Variants in FAM83F observed in about 807,000 individuals in gnomAD.
FAM83F encodes protein FAM83F.
Under a neutral mutation model 42.9 loss-of-function variants are expected in FAM83F, and 45 were observed. The ratio of observed to expected loss-of-function variants is 1.05; its 90% CI spans 0.83 to 1.35. The LOEUF (loss-of-function observed/expected upper bound fraction) is 1.35, where lower values mean the gene tolerates loss of function less well. Ranked by LOEUF, FAM83F falls within the 40% of genes most tolerant of loss-of-function variation. The probability of loss-of-function intolerance (pLI) is 0.00; values close to 1 mark genes in which losing one functional copy is unlikely to be tolerated. For missense variants in FAM83F, 617 were observed against 695.9 expected, an observed-to-expected ratio of 0.89 and a Z score of 1.28; for synonymous variants, 306 against 298.3, an observed-to-expected ratio of 1.03 and a Z score of -0.27.
rs760735491 is a variant in FAM83F at position 40,019,279 on chromosome 22, G to A, written c.601G>A (p.Val201Met). 6.2e-7 allele frequency: 1 copy of A among 1,614,172 alleles called. No individual in the cohort carries two copies. Among genetic ancestry groups the A allele is most frequent in the South Asian group, 1.1e-5 (1 of 91,088 alleles). The change falls in exon 2 of 5, where the codon GTG becomes ATG. Residue 201 changes from valine (V) to methionine (M), a missense_variant. Coordinates refer to ENST00000333407, the MANE Select transcript of FAM83F (RefSeq NM_138435.4). ...GTACATCATCCTGGACGAGGCAGGAGTGAAGTATTTCCTGGAGATGTGTCA... is the reference window on the plus strand; with the variant it reads ...GTACATCATCCTGGACGAGGCAGGAATGAAGTATTTCCTGGAGATGTGTCA... ...PVYIILDEAG[V>M]KYFLEMCQDL...
rs149330550 is a variant in FAM83F at position 40,021,796 on chromosome 22, G to C, written c.1286G>C (p.Arg429Pro). ...CGAAACGGCATGGGAGAAGCGGCCC[G>C]GGGGGAGGCCGCCCCCGCCAGGCGC... ...PSRNGMGEAA[R>P]GEAAPARRFS... Residue 429 changes from arginine to proline, a missense_variant, in exon 4 of 5, where the codon CGG becomes CCG. By Grantham distance (103) the Arg-to-Pro change is moderately radical. Coordinates refer to ENST00000333407, the MANE Select transcript of FAM83F (RefSeq NM_138435.4). The surrounding 1 kb of genome is among the most constrained non-coding windows in gnomAD (Gnocchi z 8.7). 173 of 1,611,894 alleles carry C rather than the reference G, an allele frequency of 1.1e-4. No homozygotes were observed. The African/African-American group carries it at 1.9e-3, about 17-fold the overall frequency.
chr22:40,005,169 G>T (rs2067421229), intron 1 of FAM83F, among the ~76,000 whole-genome samples: 1 of 152,180 alleles, frequency 6.6e-6, no homozygotes, highest in Non-Finnish European at 1.5e-5. Flanking sequence ...AACTCCATTT[G>T]TCTTACCCTG....
intron 1 of FAM83F, among the ~76,000 whole-genome samples, chr22:40,007,094 C>T (rs1466159231): frequency 2.0e-5 from 3 of 151,824 alleles, no homozygotes; most frequent in African/African-American, 4.8e-5. Context: ...GCACTTTCCC[C>T]ACTGCAGTAC....
Position 40,021,551 on chromosome 22 carries a change from A to G in FAM83F, c.1041A>G (p.Gln347=), listed in dbSNP as rs781668146. 8 of 1,564,222 alleles carry G rather than the reference A, an allele frequency of 5.1e-6. No homozygotes were observed. Among genetic ancestry groups the G allele is most frequent in the Non-Finnish European group, 7.0e-6 (8 of 1,150,182 alleles). The part of the protein sequence containing the change: ...PGEMMRWAAR[Q]QREAGGNPEG... The stretch of plus-strand genomic sequence containing the variant: ...AGATGATGCGCTGGGCTGCCCGGCA[A>G]CAGCGGGAGGCGGGCGGCAACCCGG... The change falls in exon 4 of 5, where the codon CAA becomes CAG. Residue 347 remains glutamine, a synonymous_variant. Transcript: ENST00000333407. The surrounding 1 kb of genome is among the most constrained non-coding windows in gnomAD (Gnocchi z 8.7).
intron 1 of FAM83F, among the ~76,000 whole-genome samples, chr22:40,004,221 T>G (rs912118938): frequency 4.6e-5 from 7 of 150,632 alleles, no homozygotes; most frequent in African/African-American, 1.7e-4. Context: ...TTGATAGCTA[T>G]TACTTATTGG....
rs1187385844 is a variant in FAM83F at position 40,041,909 on chromosome 22, G to C, written c.*12344G>C. 6.6e-6 allele frequency: 1 copy of C among 151,492 alleles called. No homozygotes were observed. The highest frequency in any genetic ancestry group is 1.9e-4 in the East Asian group (1 of 5,162). 9.4% of individuals were successfully genotyped at this position (151,492 alleles called of 1,614,324 possible). On this transcript the variant is annotated 3_prime_UTR_variant, in exon 5 of 5. Transcript: ENST00000333407. ...AGACAGGGTCTTGCTCTATTGCCCA[G>C]GCTGGAGTGCAGTGGTGTGGCTCAC...
At chr22:40,029,130 T>TGA (rs2067572429) in intron 4 of FAM83F, among the ~76,000 whole-genome samples, 1 of 117,942 alleles carries the variant, frequency 8.5e-6, no homozygotes, top group Admixed American at 9.2e-5. Flanking sequence ...TGTGTGTGTG[T>TGA]GTGAAAGCAA....
At chr22:40,024,289 G>A (rs6001721) in intron 4 of FAM83F, among the ~76,000 whole-genome samples, 41 of 152,240 alleles carry the variant, frequency 2.7e-4, no homozygotes, top group East Asian at 9.7e-4. Context: ...AAGCCACCGC[G>A]CCTGGCCAGG....
At chr22:40,001,396 TG>T (rs2067401063) in intron 1 of FAM83F, among the ~76,000 whole-genome samples, 1 of 152,144 alleles carries the variant, frequency 6.6e-6, no homozygotes, top group African/African-American at 2.4e-5. Context: ...CCCAGCACTT[TG>T]GGAGGCCGAG....
chr22:40,018,386 T>A (rs997600838), intron 1 of FAM83F, among the ~76,000 whole-genome samples: 1 of 152,170 alleles, frequency 6.6e-6, no homozygotes. Flanking sequence ...TTCTAGGGTG[T>A]CAGGAGCAAC....
chr22:40,029,113 G>A (rs2067572304), intron 4 of FAM83F, among the ~76,000 whole-genome samples: 1 of 151,514 alleles, frequency 6.6e-6, no homozygotes, highest in Admixed American at 6.6e-5. Flanking sequence ...GTGTGTGTGT[G>A]TGTGTGTGTG....
chr22:40,006,989 T>C (rs1205164548), intron 1 of FAM83F, among the ~76,000 whole-genome samples: 5 of 152,122 alleles, frequency 3.3e-5, no homozygotes, highest in Non-Finnish European at 7.4e-5. Context: ...TTTCTTTTCA[T>C]CTTCATAGAA....
At chr22:40,017,336 G>T (rs1428459454) in intron 1 of FAM83F, among the ~76,000 whole-genome samples, 1 of 151,060 alleles carries the variant, frequency 6.6e-6, no homozygotes, top group African/African-American at 2.4e-5. Context: ...TGCAATGAGC[G>T]ATTCTCCTGC....
At chr22:40,011,119 G>A (rs1241961077) in intron 1 of FAM83F, among the ~76,000 whole-genome samples, 1 of 152,160 alleles carries the variant, frequency 6.6e-6, no homozygotes, top group Non-Finnish European at 1.5e-5. Flanking sequence ...ACCCTTATGT[G>A]TTCAGCATAT....
intron 1 of FAM83F, among the ~76,000 whole-genome samples, chr22:40,013,603 T>C (rs1271445775): frequency 6.6e-6 from 1 of 152,230 alleles, no homozygotes; most frequent in African/African-American, 2.4e-5. Flanking sequence ...TTAGTTTTTC[T>C]TTTTCAAAAT....
chr22:40,007,228 TCCTCC>T (rs1192645780), intron 1 of FAM83F, among the ~76,000 whole-genome samples: 7 of 130,548 alleles, frequency 5.4e-5, no homozygotes, highest in South Asian at 2.6e-4. Flanking sequence ...TCCTCTCCTC[TCCTCC>T]CCTCCCCTCC....
chr22:40,019,613 T>C (rs7291782), intron 2 of FAM83F, among the ~76,000 whole-genome samples: 37,319 of 152,174 alleles, frequency 0.25, 4,961 homozygotes, highest in Non-Finnish European at 0.31. Context: ...GAATCACTGA[T>C]GTCAAAGTGA....
intron 1 of FAM83F, among the ~76,000 whole-genome samples, chr22:40,016,045 G>A (rs550650501): frequency 1.3e-5 from 2 of 152,214 alleles, no homozygotes; most frequent in Admixed American, 1.3e-4. Flanking sequence ...GGCATCCCGG[G>A]ACACACTTCC....
intron 1 of FAM83F, among the ~76,000 whole-genome samples, chr22:40,000,374 A>G (rs994424967): frequency 6.6e-6 from 1 of 152,186 alleles, no homozygotes; most frequent in African/African-American, 2.4e-5. Context: ...TATGGTGAAC[A>G]GCTGGGATAC....
Sources: allele counts gnomAD v4.1 joint callset (sites outside exome capture counted in the v4.1 genomes callset), GRCh38; gene constraint gnomAD v4.1.1; non-coding constraint Gnocchi (gnomAD v3.1); transcripts MANE v1.5; gene names NCBI Gene and HGNC (gene_info 2026-07-23, HGNC 2026-07-21).